The following KLC1 variants were observed in gnomAD, a reference collection of about 807,000 sequenced individuals.
KLC1 encodes kinesin 2 60/70kDa.
In KLC1, 30 loss-of-function variants were observed where a neutral mutation model predicts 84.2. The observed-to-expected ratio is 0.36, with a 90% CI of 0.27 to 0.48. The LOEUF is 0.48. Among genes scored for constraint, KLC1 ranks in the 20% least tolerant of loss-of-function variants. The pLI is 0.99. For synonymous variants in KLC1, 289 were observed against 293.3 expected (o/e 0.99, Z 0.15); for missense variants, 499 against 805.4 (o/e 0.62, Z 4.60).
rs755051883 is a variant in KLC1 at position 103,679,427 on chromosome 14, A to G, written c.1532A>G (p.Asn511Ser). The part of the protein sequence containing the change: ...VHKQRVAEVL[N>S]DPENMEKRRS... ...AAACAGAGGGTGGCAGAAGTGCTCA[A>G]TGACCCTGAGAACATGGAGAAGCGC... is the stretch of plus-strand genomic sequence containing the variant. Residue 511 changes from asparagine to serine, a missense_variant, in exon 13 of 17, where the codon AAT becomes AGT. Coordinates refer to ENST00000334553, the MANE Select transcript of KLC1 (RefSeq NM_001394837.1). 8 of 1,614,048 alleles carry G rather than the reference A, an allele frequency of 5.0e-6. No homozygotes were observed. Among genetic ancestry groups the G allele is most frequent in the South Asian group, 1.1e-5 (1 of 91,082 alleles).
intron 15 of KLC1, chr14:103,695,850 G>C (rs980928635): frequency 5.1e-6 from 5 of 985,406 alleles, no homozygotes; most frequent in Non-Finnish European, 4.8e-6. Flanking sequence ...GAAGGTTCGT[G>C]TTTCAGAGGG....
intron 1 of KLC1, among the ~76,000 whole-genome samples, chr14:103,640,415 C>G (rs2077393879): frequency 6.6e-6 from 1 of 151,582 alleles, no homozygotes; most frequent in African/African-American, 2.4e-5. Flanking sequence ...GGCTGGAGTG[C>G]AGTGGCGCGA....
intron 1 of KLC1, among the ~76,000 whole-genome samples, chr14:103,641,662 T>A (rs922347562): frequency 6.6e-6 from 1 of 152,080 alleles, no homozygotes; most frequent in Admixed American, 6.6e-5. Context: ...AGTGGCACAA[T>A]CTTGGCTCAC....
chr14:103,643,679 A>G (rs755115322), intron 1 of KLC1, among the ~76,000 whole-genome samples: 110 of 149,574 alleles, frequency 7.4e-4, no homozygotes, highest in Non-Finnish European at 2.5e-4. Flanking sequence ...TGTAATCCCA[A>G]CACTTTGGAA....
At position 103,691,168 on chromosome 14, in the gene KLC1, T is replaced by C. The variant is rs565839410; in HGVS notation, c.1782-1191T>C. Among the ~76,000 whole-genome samples, 3 of 150,084 alleles carry C rather than the reference T, an allele frequency of 2.0e-5. 1 individual carries two copies. Among genetic ancestry groups the C allele is most frequent in the African/African-American group, 7.4e-5 (3 of 40,790 alleles). ...TGGTTCCCCCCACTTTTTTTTTTTT[T>C]TTTTTTCTGAGACAGAGTCTTGCTG... On this transcript the variant is annotated intron_variant, in intron 14 of 16. Transcript: ENST00000334553.
At chr14:103,671,923 A>G (rs2080418617) in intron 7 of KLC1, among the ~76,000 whole-genome samples, 1 of 152,204 alleles carries the variant, frequency 6.6e-6, no homozygotes, top group Admixed American at 6.5e-5. Flanking sequence ...TAGGAACCAT[A>G]TAAGATGACC....
intron 1 of KLC1, among the ~76,000 whole-genome samples, chr14:103,654,043 G>C (rs997091182): frequency 6.6e-5 from 10 of 152,284 alleles, no homozygotes; most frequent in African/African-American, 2.2e-4. Flanking sequence ...CCCGGTGACC[G>C]TGCTGCACCT....
chr14:103,647,145 T>C (rs11160756), intron 1 of KLC1, among the ~76,000 whole-genome samples: 89,360 of 152,026 alleles, frequency 0.59, 27,809 homozygotes, highest in Non-Finnish European at 0.71. Context: ...TACAGTTACC[T>C]TGTCTATCCG....
intron 1 of KLC1, among the ~76,000 whole-genome samples, chr14:103,631,390 C>T (rs938706586): frequency 2.0e-5 from 3 of 151,878 alleles, no homozygotes; most frequent in Non-Finnish European, 4.4e-5. Flanking sequence ...CAAATTTATA[C>T]ATTTTTAAAA....
At chr14:103,677,370 A>C (rs755770004) in intron 11 of KLC1, 45 bp from the exon 12 acceptor site, 1 of 1,153,350 alleles carries the variant, frequency 8.7e-7, no homozygotes, top group Non-Finnish European at 1.3e-6. Flanking sequence ...GTGGTTGTTC[A>C]GAGCTTATAT....
At chr14:103,662,532 T>G (rs542960827) in intron 4 of KLC1, among the ~76,000 whole-genome samples, 170 bp from the exon 5 acceptor site, 1 of 152,016 alleles carries the variant, frequency 6.6e-6, no homozygotes, top group Non-Finnish European at 1.5e-5. Flanking sequence ...CCTGACACTG[T>G]AGTCACTACT....
chr14:103,662,569 A>G (rs981785176), intron 4 of KLC1, 133 bp from the exon 5 acceptor site: 2 of 693,718 alleles, frequency 2.9e-6, no homozygotes, highest in Non-Finnish European at 4.8e-6. Context: ...AGACAGTACT[A>G]GGAAAAGATT....
intron 1 of KLC1, among the ~76,000 whole-genome samples, chr14:103,634,391 T>C (rs2076902377): frequency 6.6e-6 from 1 of 151,918 alleles, no homozygotes; most frequent in Admixed American, 6.6e-5. Flanking sequence ...GGAGGGAAAA[T>C]GGGAGAAGGA....
intron 11 of KLC1, 126 bp downstream of exon 11, chr14:103,675,882 C>T (rs1172773722): frequency 1.3e-5 from 9 of 719,894 alleles, no homozygotes; most frequent in South Asian, 4.0e-5. Context: ...ATGTTTTTCC[C>T]GAATTCCAAT....
rs1300117000 is a variant in KLC1 at position 103,694,883 on chromosome 14, T to C, written c.1848+2458T>C. 5 of 985,384 alleles carry C rather than the reference T, an allele frequency of 5.1e-6. No homozygotes were observed. The African/African-American group carries it at 8.7e-5, about 17-fold the overall frequency. 61.0% of individuals were successfully genotyped at this position (985,384 alleles called of 1,614,324 possible). On this transcript the variant is annotated intron_variant, in intron 15 of 16. Transcript: ENST00000334553. The surrounding 1 kb of genome is among the most constrained non-coding windows in gnomAD (Gnocchi z 4.5). ...TTTCAAAGTTTCATCCCGCCTCATG[T>C]CGCAGGACTGCTGTGTTTGTGAAAG...
At chr14:103,665,898 G>A (rs2079746179) in intron 5 of KLC1, among the ~76,000 whole-genome samples, 1 of 151,566 alleles carries the variant, frequency 6.6e-6, no homozygotes, top group Non-Finnish European at 1.5e-5. Context: ...TATTCCGTTG[G>A]TGGAGATAGA....
intron 5 of KLC1, among the ~76,000 whole-genome samples, chr14:103,669,208 G>A (rs1009094420): frequency 1.3e-5 from 2 of 151,810 alleles, no homozygotes; most frequent in African/African-American, 2.4e-5. Flanking sequence ...AGGCCTAGGC[G>A]GGTGGATCAT....
At chr14:103,681,497 T>C (rs2081336475) in intron 13 of KLC1, among the ~76,000 whole-genome samples, 1 of 152,044 alleles carries the variant, frequency 6.6e-6, no homozygotes, top group Non-Finnish European at 1.5e-5. Context: ...TCTTGCTCTC[T>C]CGCCCAGGCT....
chr14:103,640,226 A>G (rs868026589), intron 1 of KLC1, among the ~76,000 whole-genome samples: 16 of 151,638 alleles, frequency 1.1e-4, no homozygotes, highest in Admixed American at 2.0e-4. Flanking sequence ...ATGCCTGGCT[A>G]ATTTTGTATT....
Sources: allele counts gnomAD v4.1 joint callset (sites outside exome capture counted in the v4.1 genomes callset), GRCh38; gene constraint gnomAD v4.1.1; non-coding constraint Gnocchi (gnomAD v3.1); transcripts MANE v1.5; gene names NCBI Gene and HGNC (gene_info 2026-07-23, HGNC 2026-07-21).